The following SORBS2 variants were observed in gnomAD, a reference collection of about 807,000 sequenced individuals.
SORBS2 encodes the protein sorbin and SH3 domain-containing protein 2.
SORBS2 carries 46 observed loss-of-function variants against 97.7 expected under a neutral mutation model. That is an observed-to-expected ratio of 0.47 (90% CI 0.37 to 0.60). SORBS2 has a LOEUF of 0.60. SORBS2 is among the 20% of genes least tolerant of loss of function. The pLI, the probability that SORBS2 is intolerant of heterozygous loss-of-function variation, is 0.00. For synonymous variants in SORBS2, 476 were observed against 473.4 expected (o/e 1.01, Z -0.07); for missense variants, 1,316 against 1,282.3 (o/e 1.03, Z -0.40).
At chr4:185,751,177 A>AC in intron 2 of SORBS2, among the ~76,000 whole-genome samples, 2 of 136,190 alleles carry the variant, frequency 1.5e-5, no homozygotes, top group East Asian at 2.0e-4. Flanking sequence ...AATACTAAAA[A>AC]AAAAAAAAAA....
chr4:185,868,159 C>CTTTTTTTTT lies in SORBS2; in HGVS notation c.-338+88028_-338+88036dup, dbSNP rs112680775. The stretch of plus-strand genomic sequence containing the variant: ...TCTCTTTTCTTTTCTTTTTTTCTTT[C>CTTTTTTTTT]TTTTTTTTTTTTTTTGAGGCAGAGT... On this transcript the variant is annotated intron_variant, in intron 1 of 20. Transcript: ENST00000284776. Among the ~76,000 whole-genome samples, 50 of 105,202 alleles carry CTTTTTTTTT rather than the reference C, an allele frequency of 4.8e-4. 1 individual carries two copies. Among genetic ancestry groups the CTTTTTTTTT allele is most frequent in the African/African-American group, 1.0e-3 (26 of 25,606 alleles). The allele number at this position is 105,202 out of a possible 152,430, so 69.0% of individuals were successfully genotyped here. A position where few individuals can be genotyped will look rare whatever the true frequency, so the allele number is the denominator to read the frequency against.
intron 1 of SORBS2, among the ~76,000 whole-genome samples, chr4:185,875,723 T>C (rs2099233215): frequency 1.3e-5 from 2 of 152,236 alleles, no homozygotes. Flanking sequence ...GCATATGTCT[T>C]TCCAGGACTG....
chr4:185,700,663 A>G (rs946647178), intron 2 of SORBS2, among the ~76,000 whole-genome samples: 1 of 152,204 alleles, frequency 6.6e-6, no homozygotes, highest in Non-Finnish European at 1.5e-5. Flanking sequence ...GTTTTTAACC[A>G]TCTGGTTCAC....
chr4:185,671,141 G>A (rs2097706704), intron 4 of SORBS2, among the ~76,000 whole-genome samples: 1 of 152,108 alleles, frequency 6.6e-6, no homozygotes, highest in Non-Finnish European at 1.5e-5. Flanking sequence ...GAGATTGTCT[G>A]ACAGCCTCAT....
At chr4:185,678,704 T>A in intron 3 of SORBS2, 92 bp downstream of exon 6, 3 of 1,161,334 alleles carry the variant, frequency 2.6e-6, no homozygotes, top group Non-Finnish European at 3.6e-6. Flanking sequence ...ACATGAAATT[T>A]AAATTTAACA....
At chr4:185,894,639 C>G (rs1274192773) in intron 1 of SORBS2, among the ~76,000 whole-genome samples, 1 of 152,206 alleles carries the variant, frequency 6.6e-6, no homozygotes, top group Non-Finnish European at 1.5e-5. Context: ...AATTGCTGCA[C>G]TGTCAGAATC....
intron 2 of SORBS2, among the ~76,000 whole-genome samples, chr4:185,698,866 AT>A (rs11431973): frequency 3.0e-3 from 449 of 150,724 alleles, no homozygotes; most frequent in Middle Eastern, 0.01. Flanking sequence ...ATAGCCATTG[AT>A]TTTTTTTTTC....
chr4:185,629,763 A>G (rs1257239718), intron 5 of SORBS2, among the ~76,000 whole-genome samples: 1 of 151,998 alleles, frequency 6.6e-6, no homozygotes, highest in Non-Finnish European at 1.5e-5. Flanking sequence ...GGGTTTCACC[A>G]TGATGGCCAG....
intron 2 of SORBS2, among the ~76,000 whole-genome samples, chr4:185,741,394 T>C (rs1406599058): frequency 7.7e-6 from 1 of 130,366 alleles, no homozygotes; most frequent in Non-Finnish European, 1.6e-5. Context: ...CTTTCTTTTC[T>C]TTTTTTTTTG....
chr4:185,685,584 T>G (rs1489060407), intron 2 of SORBS2, among the ~76,000 whole-genome samples: 1 of 152,132 alleles, frequency 6.6e-6, no homozygotes, highest in African/African-American at 2.4e-5. Flanking sequence ...CAGGCTGGAG[T>G]GCAGTGGTAC....
intron 1 of SORBS2, among the ~76,000 whole-genome samples, chr4:185,877,876 A>AAAAAAAAAG: frequency 6.8e-6 from 1 of 147,866 alleles, no homozygotes; most frequent in Non-Finnish European, 1.5e-5. Context: ...TCAAAAAACA[A>AAAAAAAAAG]AAAAAAAAAA....
At chr4:185,585,624 A>G (rs2095793596) in exon 15 of SORBS2, 1 of 149,052 alleles carries the variant, frequency 6.7e-6, no homozygotes, top group Admixed American at 6.6e-5. Context: ...AGGTATGAAT[A>G]GTTTTTTCTT....
chr4:185,927,891 C>T (rs938142712), intron 1 of SORBS2, among the ~76,000 whole-genome samples: 18 of 152,152 alleles, frequency 1.2e-4, no homozygotes, highest in African/African-American at 9.7e-5. Context: ...TCATCACCAA[C>T]ACGGACTTCT....
chr4:185,736,646 C>T (rs1193371905), intron 2 of SORBS2, among the ~76,000 whole-genome samples: 1 of 152,230 alleles, frequency 6.6e-6, no homozygotes, highest in East Asian at 1.9e-4. Context: ...CAGCCCCCTT[C>T]AGTTTTCCAG....
intron 2 of SORBS2, among the ~76,000 whole-genome samples, chr4:185,704,675 CAAATTA>C: frequency 6.6e-6 from 1 of 151,508 alleles, no homozygotes; most frequent in African/African-American, 2.5e-5. Flanking sequence ...TTCTACTCCA[CAAATTA>C]CCCTGGATGT....
intron 1 of SORBS2, among the ~76,000 whole-genome samples, chr4:185,860,580 C>G (rs2099223148): frequency 6.6e-6 from 1 of 152,148 alleles, no homozygotes; most frequent in African/African-American, 2.4e-5. Flanking sequence ...ATGTGAGGAC[C>G]ATAATCCATA....
chr4:185,806,512 C>T (rs1282385980), intron 1 of SORBS2, among the ~76,000 whole-genome samples: 6 of 133,318 alleles, frequency 4.5e-5, no homozygotes, highest in Admixed American at 4.0e-4. Flanking sequence ...GGCTGGAGTG[C>T]AGTGGCGGGA....
intron 1 of SORBS2, among the ~76,000 whole-genome samples, chr4:185,868,114 T>G (rs181959122): frequency 2.6e-4 from 40 of 151,064 alleles, no homozygotes; most frequent in Admixed American, 1.6e-3. Flanking sequence ...AAATAGAAAT[T>G]AAAAGCTTCT....
At chr4:185,739,533 G>A (rs573943480) in intron 2 of SORBS2, among the ~76,000 whole-genome samples, 3 of 152,342 alleles carry the variant, frequency 2.0e-5, no homozygotes, top group East Asian at 3.9e-4. Flanking sequence ...AGTTTGCAGG[G>A]AAATTCTGAA....
Sources: gnomAD v4.1 joint callset for allele counts (sites outside exome capture counted in the v4.1 genomes callset) on GRCh38, gnomAD v4.1.1 for gene constraint, MANE v1.5 for transcripts, NCBI Gene and HGNC (gene_info 2026-07-23, HGNC 2026-07-21) for gene names.